The following SV2C variants were observed in gnomAD, a reference collection of about 807,000 sequenced individuals.
SV2C encodes the protein synaptic vesicle glycoprotein 2C.
In SV2C, 49 loss-of-function variants were observed where a neutral mutation model predicts 79.7. The observed-to-expected ratio is 0.61, with a 90% CI of 0.49 to 0.78. The LOEUF is 0.78. Ranked by LOEUF, SV2C falls within the 30% of genes least tolerant of loss-of-function variation. SV2C has a pLI of 0.00. For missense variants in SV2C, 833 were observed against 912.9 expected (o/e 0.91, Z 1.13); for synonymous variants, 334 against 333.2 (o/e 1.00, Z -0.03).
the SV2C span, among the ~76,000 whole-genome samples, chr5:75,995,242 C>T: frequency 2.1e-3 from 326 of 152,216 alleles, 2 homozygotes; most frequent in Admixed American, 4.5e-3. Context: ...CTCTGAGCAT[C>T]CCTTAGCCCA....
chr5:76,165,562 C>T (rs1480667664), intron 2 of SV2C, among the ~76,000 whole-genome samples: 1 of 152,126 alleles, frequency 6.6e-6, no homozygotes, highest in Non-Finnish European at 1.5e-5. Flanking sequence ...ATAATTTTTT[C>T]ATTTTGAGAA....
chr5:75,937,718 A>AAAAAC, the SV2C span, among the ~76,000 whole-genome samples: 13 of 152,192 alleles, frequency 8.5e-5, no homozygotes, highest in Non-Finnish European at 1.5e-4. Flanking sequence ...AAAGAAACAA[A>AAAAAC]AAAACAAAAC....
At chr5:75,899,246 C>G in the SV2C span, among the ~76,000 whole-genome samples, 2 of 152,284 alleles carry the variant, frequency 1.3e-5, no homozygotes, top group African/African-American at 4.8e-5. Context: ...TTGAATGTGT[C>G]CCGGAGATTC....
At chr5:76,010,227 T>C in the SV2C span, among the ~76,000 whole-genome samples, 2 of 152,084 alleles carry the variant, frequency 1.3e-5, no homozygotes, top group Non-Finnish European at 1.5e-5. Flanking sequence ...CTCCCTAGGC[T>C]CTTCCCAGGA....
chr5:76,301,625 C>A, intron 12 of SV2C, 80 bp downstream of exon 12: 2 of 1,511,048 alleles, frequency 1.3e-6, no homozygotes, highest in South Asian at 1.3e-5. Context: ...ACAACCCAAA[C>A]TGGCTGGGCA....
intron 1 of SV2C, among the ~76,000 whole-genome samples, chr5:76,108,896 T>C (rs931360853): frequency 3.9e-5 from 6 of 152,232 alleles, no homozygotes; most frequent in Non-Finnish European, 7.3e-5. Context: ...GGTGGTGTTT[T>C]CTTGTATCTC....
At chr5:76,291,710 G>T in intron 7 of SV2C, 58 bp from the exon 8 acceptor site, 1 of 1,203,062 alleles carries the variant, frequency 8.3e-7, no homozygotes, top group South Asian at 1.3e-5. Context: ...GGAAGGGGTC[G>T]GGGAGTGGGG....
chr5:75,855,489 T>C, the SV2C span, among the ~76,000 whole-genome samples: 2 of 152,112 alleles, frequency 1.3e-5, no homozygotes, highest in African/African-American at 4.8e-5. Context: ...TAACTGAAGG[T>C]TTGTGGCAAC....
chr5:76,220,633 A>G (rs1745040258), intron 4 of SV2C, among the ~76,000 whole-genome samples: 1 of 151,774 alleles, frequency 6.6e-6, no homozygotes, highest in African/African-American at 2.4e-5. Flanking sequence ...AAAAAAAAAA[A>G]AAAGAATTGA....
the SV2C span, among the ~76,000 whole-genome samples, chr5:76,071,453 T>G: frequency 1.3e-5 from 2 of 152,160 alleles, no homozygotes; most frequent in East Asian, 3.9e-4. Context: ...GAAACCAAAC[T>G]TGGGACTGGG....
At chr5:76,134,726 A>G (rs1320563459) in intron 2 of SV2C, among the ~76,000 whole-genome samples, 1 of 152,214 alleles carries the variant, frequency 6.6e-6, no homozygotes, top group African/African-American at 2.4e-5. Flanking sequence ...GTGTGTATAT[A>G]TAACATTGTT....
intron 4 of SV2C, among the ~76,000 whole-genome samples, chr5:76,241,406 G>T (rs1284807942): frequency 1.3e-5 from 2 of 152,092 alleles, no homozygotes; most frequent in African/African-American, 4.8e-5. Flanking sequence ...TTAGAGTGAG[G>T]GTTGACATTT....
Position 76,280,808 on chromosome 5 carries a change from A to G in SV2C, c.914-4354A>G, listed in dbSNP as rs1580016273. On this transcript the variant is annotated intron_variant, in intron 4 of 12. Coordinates refer to ENST00000502798, the MANE Select transcript of SV2C (RefSeq NM_014979.4). ...CCTGCCAAGCCTAGGTCTAAGCACAATCTCAGCTTTTGGAGCCAGCAGTTG... is the reference window on the plus strand; with the variant it reads ...CCTGCCAAGCCTAGGTCTAAGCACAGTCTCAGCTTTTGGAGCCAGCAGTTG... 17 of 382,594 alleles carry G rather than the reference A, an allele frequency of 4.4e-5. No homozygotes were observed. In the East Asian group the frequency reaches 9.4e-4, roughly 21 times the overall value. 23.7% of individuals were successfully genotyped at this position (382,594 alleles called of 1,614,324 possible). A position where few individuals can be genotyped will look rare whatever the true frequency, so the allele number is the denominator to read the frequency against.
the SV2C span, among the ~76,000 whole-genome samples, chr5:75,893,623 A>C: frequency 3.3e-5 from 5 of 152,238 alleles, no homozygotes; most frequent in South Asian, 1.0e-3. Context: ...CCAAGAGTTG[A>C]AAAACTACCT....
chr5:76,325,794 G>T lies in SV2C; in HGVS notation c.*247G>T. 1 of 421,606 alleles carries T rather than the reference G, an allele frequency of 2.4e-6. No individual in the cohort carries two copies. Among genetic ancestry groups the T allele is most frequent in the Non-Finnish European group, 4.0e-6 (1 of 248,406 alleles). 26.1% of individuals were successfully genotyped at this position (421,606 alleles called of 1,614,324 possible). Reference sequence around the variant, plus strand: ...CCAAACTGTGATGCTACTGCCTCCCGCAAATCAGTGGAAGCATTTCTAAAA... The same window carrying T: ...CCAAACTGTGATGCTACTGCCTCCCTCAAATCAGTGGAAGCATTTCTAAAA... On this transcript the variant is annotated 3_prime_UTR_variant, in exon 13 of 13. Transcript: ENST00000502798.
chr5:75,919,089 G>A, the SV2C span, among the ~76,000 whole-genome samples: 1 of 152,158 alleles, frequency 6.6e-6, no homozygotes, highest in Non-Finnish European at 1.5e-5. Context: ...GAATGGAACT[G>A]TAAGTGAGAA....
rs79963540 is a variant in SV2C at position 76,156,224 on chromosome 5, G to T, written c.580+23894G>T. Among the ~76,000 whole-genome samples the T allele has an allele frequency of 6.2e-3, 950 of 152,264 alleles. 13 individuals are homozygous for T. Among genetic ancestry groups the T allele is most frequent in the African/African-American group, 0.022 (912 of 41,540 alleles). On this transcript the variant is annotated intron_variant, in intron 2 of 12. Transcript: ENST00000502798. Reference sequence around the variant, plus strand: ...TTCAGTTAATTCAACAGCTAGGAATGGTCAGGGAAAGAGATAGTGAAACAG... The same window carrying T: ...TTCAGTTAATTCAACAGCTAGGAATTGTCAGGGAAAGAGATAGTGAAACAG...
chr5:76,234,574 C>T (rs1206163042), intron 4 of SV2C, among the ~76,000 whole-genome samples: 1 of 152,200 alleles, frequency 6.6e-6, no homozygotes, highest in African/African-American at 2.4e-5. Flanking sequence ...TATTATTCCA[C>T]TTCATCATAA....
At chr5:76,217,728 T>C (rs180844939) in intron 4 of SV2C, among the ~76,000 whole-genome samples, 1 of 151,554 alleles carries the variant, frequency 6.6e-6, no homozygotes, top group African/African-American at 2.4e-5. Context: ...CTGCCTAAAG[T>C]TTGAGATTAG....
Sources: gnomAD v4.1 joint callset for allele counts (sites outside exome capture counted in the v4.1 genomes callset) on GRCh38, gnomAD v4.1.1 for gene constraint, MANE v1.5 for transcripts, NCBI Gene and HGNC (gene_info 2026-07-23, HGNC 2026-07-21) for gene names.